The following PRDM16 variants were observed in gnomAD, a reference collection of about 807,000 sequenced individuals.
PRDM16 encodes the protein histone-lysine N-methyltransferase PRDM16.
PRDM16 carries 23 observed loss-of-function variants against 110.6 expected under a neutral mutation model. That is an observed-to-expected ratio of 0.21 (90% CI 0.15 to 0.29). The LOEUF is 0.29. Ranked by LOEUF, PRDM16 falls within the 10% of genes least tolerant of loss-of-function variation. The pLI is 1.00. For synonymous variants in PRDM16, 799 were observed against 781.8 expected, an observed-to-expected ratio of 1.02 and a Z score of -0.37; for missense variants, 1,615 against 1,794.3, an observed-to-expected ratio of 0.90 and a Z score of 1.81.
chr1:3,110,300 C>T (rs1300993990), intron 1 of PRDM16, among the ~76,000 whole-genome samples: 80 of 139,930 alleles, frequency 5.7e-4, no homozygotes, highest in Non-Finnish European at 1.0e-3. Context: ...GTGTCTGCGG[C>T]TCCCCCATGT....
intron 1 of PRDM16, among the ~76,000 whole-genome samples, chr1:3,142,987 G>C (rs1182901285): frequency 6.6e-6 from 1 of 152,216 alleles, no homozygotes; most frequent in Non-Finnish European, 1.5e-5. Flanking sequence ...TTTTCCATAA[G>C]GGAATCCGAT....
intron 3 of PRDM16, among the ~76,000 whole-genome samples, chr1:3,346,844 A>G (rs567386961): frequency 4.6e-5 from 7 of 152,144 alleles, no homozygotes; most frequent in Non-Finnish European, 8.8e-5. Context: ...GGAATGAGTG[A>G]CCATGCAACC....
chr1:3,172,435 C>A (rs1644036062), intron 1 of PRDM16, among the ~76,000 whole-genome samples: 1 of 152,140 alleles, frequency 6.6e-6, no homozygotes, highest in Non-Finnish European at 1.5e-5. Flanking sequence ...GGTGGAATAG[C>A]CTGGGTTTTG....
At chr1:3,082,265 G>T (rs938770095) in intron 1 of PRDM16, among the ~76,000 whole-genome samples, 1 of 152,168 alleles carries the variant, frequency 6.6e-6, no homozygotes, top group Non-Finnish European at 1.5e-5. Context: ...TCCTTGAGGG[G>T]AAGTTTTCTG....
chr1:3,229,153 C>A (rs1639354077), intron 2 of PRDM16, among the ~76,000 whole-genome samples: 1 of 152,210 alleles, frequency 6.6e-6, no homozygotes, highest in Non-Finnish European at 1.5e-5. Context: ...GAGCAAGCAG[C>A]CAGGGAGGAG....
chr1:3,131,525 T>TA (rs34840011), intron 1 of PRDM16, among the ~76,000 whole-genome samples: 21,933 of 152,002 alleles, frequency 0.14, 2,286 homozygotes, highest in African/African-American at 0.29. Context: ...GCCAGAAAGT[T>TA]AAAAAAAATC....
intron 1 of PRDM16, among the ~76,000 whole-genome samples, chr1:3,129,266 A>G (rs12058302): frequency 2.8e-4 from 39 of 137,800 alleles, no homozygotes; most frequent in Middle Eastern, 4.2e-3. Flanking sequence ...GGGTGTGTAC[A>G]TGTGTGTGTG....
intron 1 of PRDM16, among the ~76,000 whole-genome samples, chr1:3,085,894 C>T (rs371565113): frequency 3.3e-5 from 5 of 152,240 alleles, no homozygotes; most frequent in Non-Finnish European, 5.9e-5. Flanking sequence ...AGCTGCTTGG[C>T]GTCCAGCAGG....
intron 4 of PRDM16, 44 bp downstream of exon 4, chr1:3,385,330 T>G: frequency 1.2e-6 from 2 of 1,602,844 alleles, no homozygotes. Flanking sequence ...CTTGGAATTG[T>G]CCCTGAGGAT....
intron 1 of PRDM16, among the ~76,000 whole-genome samples, chr1:3,153,769 A>G (rs1643815557): frequency 6.6e-6 from 1 of 152,272 alleles, no homozygotes; most frequent in Non-Finnish European, 1.5e-5. Context: ...CTGAATATTA[A>G]ACCCGCACCA....
At chr1:3,364,475 C>G (rs1264055207) in intron 3 of PRDM16, among the ~76,000 whole-genome samples, 1 of 152,198 alleles carries the variant, frequency 6.6e-6, no homozygotes, top group Non-Finnish European at 1.5e-5. Flanking sequence ...ACTTTCTGGA[C>G]AAGCCCCCGG....
intron 1 of PRDM16, among the ~76,000 whole-genome samples, chr1:3,166,091 C>T (rs1643953192): frequency 6.6e-6 from 1 of 152,258 alleles, no homozygotes; most frequent in Non-Finnish European, 1.5e-5. Flanking sequence ...TTTCCTGTTC[C>T]TGGGTCTGAG....
At chr1:3,415,000 G>A (rs1414285510) in intron 10 of PRDM16, among the ~76,000 whole-genome samples, 2 of 152,214 alleles carry the variant, frequency 1.3e-5, no homozygotes, top group Admixed American at 6.5e-5. Context: ...GGCAGCCCAG[G>A]ACACAGCGTG....
At position 3,312,484 on chromosome 1, in the gene PRDM16, G is replaced by A. The variant is rs139150223; in HGVS notation, c.438+68347G>A. ...CACCCGCCGGCTGCACCTCACAGCC[G>A]CTCCTCCCCAGCCTGCTGGTGTCTG... On this transcript the variant is annotated intron_variant, in intron 3 of 16. Coordinates refer to ENST00000270722, the MANE Select transcript of PRDM16 (RefSeq NM_022114.4). Among the ~76,000 whole-genome samples the A allele has an allele frequency of 1.1e-3, 163 of 152,328 alleles. 4 individuals are homozygous for A. In the East Asian group the frequency reaches 0.031, roughly 29 times the overall value.
At chr1:3,324,525 C>T (rs1324477008) in intron 3 of PRDM16, among the ~76,000 whole-genome samples, 1 of 152,150 alleles carries the variant, frequency 6.6e-6, no homozygotes, top group Non-Finnish European at 1.5e-5. Context: ...GACATGAAGC[C>T]TCATTCACAG....
At chr1:3,096,155 C>T (rs562771529) in intron 1 of PRDM16, among the ~76,000 whole-genome samples, 64 of 152,234 alleles carry the variant, frequency 4.2e-4, no homozygotes, top group Middle Eastern at 3.4e-3. Context: ...AGGAAGGCCC[C>T]GGTGCTTTGA....
In PRDM16 at chr1:3,332,553, A is replaced by AT. The variant is rs911613112; in HGVS notation, c.439-52589dup. Among the ~76,000 whole-genome samples, 25 of 148,082 alleles carry AT rather than the reference A, an allele frequency of 1.7e-4. No individual in the cohort carries two copies. The East Asian group carries it at 2.0e-3, about 12-fold the overall frequency. ...GATCGGTCTTATGCTTCAAGGGTTG[A>AT]TTTTTTTTTTATTGTGGCAAAATAC... is the stretch of plus-strand genomic sequence containing the variant. On this transcript the variant is annotated intron_variant, in intron 3 of 16. Transcript: ENST00000270722.
rs550849436 is a variant in PRDM16, at chr1:3,353,721, C to T, written c.439-31431C>T. Among the ~76,000 whole-genome samples, 98 of 152,256 alleles carry T rather than the reference C, an allele frequency of 6.4e-4. No individual in the cohort carries two copies. Among genetic ancestry groups the T allele is most frequent in the African/African-American group, 2.3e-3 (94 of 41,554 alleles). On this transcript the variant is annotated intron_variant, in intron 3 of 16. Transcript: ENST00000270722. The surrounding 1 kb of genome is among the most constrained non-coding windows in gnomAD (Gnocchi z 5.4). ...CAGGCTGGTGGAGGTTTGGGGATGC[C>T]GAAGCAGCCAGAGAGTGGCCAAGGG...
chr1:3,229,352 G>A (rs1639357599), intron 2 of PRDM16, among the ~76,000 whole-genome samples: 3 of 152,188 alleles, frequency 2.0e-5, no homozygotes, highest in South Asian at 4.1e-4. Flanking sequence ...ACCTGCAGGT[G>A]CCCCGGGGGC....
Sources: gnomAD v4.1 joint callset for allele counts (sites outside exome capture counted in the v4.1 genomes callset) on GRCh38, gnomAD v4.1.1 for gene constraint, Gnocchi (gnomAD v3.1) non-coding constraint, MANE v1.5 for transcripts, NCBI Gene and HGNC (gene_info 2026-07-23, HGNC 2026-07-21) for gene names.